RABGEF1: variants seen among roughly 807,000 people sequenced by gnomAD.
The protein encoded by RABGEF1 is rab5 GDP/GTP exchange factor.
Under a neutral mutation model 57.3 loss-of-function variants are expected in RABGEF1, and 26 were observed. That is an observed-to-expected ratio of 0.45 (90% CI 0.33 to 0.63). The LOEUF (loss-of-function observed/expected upper bound fraction) is 0.63. Among genes scored for constraint, RABGEF1 ranks in the 20% least tolerant of loss-of-function variants. RABGEF1 has a pLI of 0.02. For synonymous variants in RABGEF1, 185 were observed against 210.7 expected (o/e 0.88, Z 1.06); for missense variants, 464 against 607.6 (o/e 0.76, Z 2.48).
At chr7:66,714,913 C>T (rs773720864) in intron 2 of RABGEF1, among the ~76,000 whole-genome samples, 6 of 152,036 alleles carry the variant, frequency 3.9e-5, no homozygotes, top group African/African-American at 7.2e-5. Flanking sequence ...CCAGCCTGGG[C>T]GACAGAGCGA....
At chr7:66,657,938 G>A in the RABGEF1 span, among the ~76,000 whole-genome samples, 6,017 of 152,162 alleles carry the variant, frequency 0.04, 169 homozygotes, top group East Asian at 0.088. Context: ...CAGAATACCA[G>A]AAACAAAGAT....
At chr7:66,762,588 C>G (rs776310233) in intron 1 of RABGEF1, among the ~76,000 whole-genome samples, 1 of 149,726 alleles carries the variant, frequency 6.7e-6, no homozygotes, top group African/African-American at 2.5e-5. Flanking sequence ...GACCCTGTCT[C>G]AAGAAAAGAA....
At chr7:66,748,980 C>A in intron 1 of RABGEF1, 1 of 193,670 alleles carries the variant, frequency 5.2e-6, no homozygotes, top group Non-Finnish European at 1.1e-5. Flanking sequence ...TGGCTGGGTT[C>A]CCTGAGGCTC....
the RABGEF1 span, among the ~76,000 whole-genome samples, chr7:66,655,315 ACT>A: frequency 6.6e-6 from 1 of 151,744 alleles, no homozygotes; most frequent in East Asian, 1.9e-4. Context: ...AGAGGGAGGG[ACT>A]CTGCCGCTTT....
intron 1 of RABGEF1, among the ~76,000 whole-genome samples, chr7:66,684,104 G>A (rs1008301442): frequency 6.6e-6 from 1 of 152,236 alleles, no homozygotes; most frequent in African/African-American, 2.4e-5. Context: ...TAATCTGATG[G>A]TGACAGAACC....
At chr7:66,675,889 C>T in the RABGEF1 span, among the ~76,000 whole-genome samples, 2 of 152,136 alleles carry the variant, frequency 1.3e-5, no homozygotes. Flanking sequence ...AAGACTTCTA[C>T]ACTGAAAACT....
At chr7:66,769,690 ACTCTACATCTCAAGTTTTATGT>A (rs1381771041) in intron 1 of RABGEF1, among the ~76,000 whole-genome samples, 4 of 152,100 alleles carry the variant, frequency 2.6e-5, no homozygotes, top group Non-Finnish European at 4.4e-5. Context: ...AGAAGACAGA[ACTCTACATCTCAAGTTTTATGT>A]CTTAAGATAG....
At chr7:66,732,374 C>T (rs568666956) in intron 2 of RABGEF1, among the ~76,000 whole-genome samples, 2 of 152,268 alleles carry the variant, frequency 1.3e-5, no homozygotes, top group East Asian at 3.9e-4. Flanking sequence ...CCCCTGCTGC[C>T]CACCACCCAC....
At chr7:66,792,814 C>T (rs1813038972) in intron 4 of RABGEF1, among the ~76,000 whole-genome samples, 1 of 152,116 alleles carries the variant, frequency 6.6e-6, no homozygotes, top group Admixed American at 6.5e-5. Context: ...TGGCCTTGTT[C>T]TAGGCATGAG....
At chr7:66,762,029 G>C (rs1804508746) in intron 1 of RABGEF1, among the ~76,000 whole-genome samples, 1 of 151,880 alleles carries the variant, frequency 6.6e-6, no homozygotes, top group Non-Finnish European at 1.5e-5. Flanking sequence ...ACTCCAGCTT[G>C]GGCAACAGAG....
intron 2 of RABGEF1, among the ~76,000 whole-genome samples, chr7:66,732,694 G>A (rs1343536453): frequency 2.6e-5 from 4 of 151,944 alleles, no homozygotes; most frequent in Admixed American, 1.3e-4. Context: ...CTGCGCTCTT[G>A]TGCTCTCTCT....
chr7:66,800,869 A>C (rs1035139061), intron 7 of RABGEF1, among the ~76,000 whole-genome samples: 3 of 152,174 alleles, frequency 2.0e-5, no homozygotes, highest in African/African-American at 7.2e-5. Context: ...ATCAGTGGTG[A>C]AAGTAGAGGT....
At chr7:66,684,415 C>T (rs1218793729) in intron 1 of RABGEF1, among the ~76,000 whole-genome samples, 2 of 152,140 alleles carry the variant, frequency 1.3e-5, no homozygotes, top group East Asian at 1.9e-4. Flanking sequence ...TGCACTCCAG[C>T]CTGGGCAACA....
At chr7:66,727,886 C>T (rs890328318) in intron 2 of RABGEF1, among the ~76,000 whole-genome samples, 2 of 152,184 alleles carry the variant, frequency 1.3e-5, no homozygotes, top group Admixed American at 6.5e-5. Context: ...GGAACACACG[C>T]GTGGCTGCCT....
intron 5 of RABGEF1, among the ~76,000 whole-genome samples, chr7:66,796,182 T>G (rs1813994645): frequency 6.6e-6 from 1 of 152,202 alleles, no homozygotes; most frequent in East Asian, 1.9e-4. Flanking sequence ...AAGGCTTTGC[T>G]AAATGAATTT....
intron 1 of RABGEF1, among the ~76,000 whole-genome samples, chr7:66,750,484 A>C (rs914683027): frequency 6.6e-6 from 1 of 152,176 alleles, no homozygotes. Flanking sequence ...TTGCAGACAC[A>C]GTTTTTTCAT....
intron 4 of RABGEF1, among the ~76,000 whole-genome samples, chr7:66,786,953 C>G (rs1477682076): frequency 6.6e-6 from 1 of 152,172 alleles, no homozygotes. Context: ...ATCATCATAG[C>G]AAGAATTTAA....
upstream of RABGEF1, among the ~76,000 whole-genome samples, chr7:66,737,075 AGAGAGAGAGAGCGAGAGC>A (rs1798058812): frequency 7.7e-6 from 1 of 129,222 alleles, no homozygotes; most frequent in Non-Finnish European, 1.7e-5. Flanking sequence ...AGAGAGAGTG[AGAGAGAGAGAGCGAGAGC>A]GAGAGAGAGA....
chr7:66,767,000 C>CTTTTTTTT (rs34123866), intron 1 of RABGEF1, among the ~76,000 whole-genome samples: 1 of 102,598 alleles, frequency 9.7e-6, no homozygotes, highest in Non-Finnish European at 1.9e-5. Flanking sequence ...TGTCAAGTTT[C>CTTTTTTTT]TTTTTTTTTT....
Sources: gnomAD v4.1 joint callset for allele counts (sites outside exome capture counted in the v4.1 genomes callset) on GRCh38, gnomAD v4.1.1 for gene constraint, MANE v1.5 for transcripts, NCBI Gene and HGNC (gene_info 2026-07-23, HGNC 2026-07-21) for gene names.